UBASH3B: variants seen among roughly 807,000 people sequenced by gnomAD.
The protein encoded by UBASH3B is ubiquitin associated and SH3 domain containing B, also known as ubiquitin-associated and SH3 domain-containing protein B.
UBASH3B carries 37 observed loss-of-function variants against 83.4 expected under a neutral mutation model. The observed-to-expected ratio is 0.44, with a 90% confidence interval of 0.34 to 0.58. UBASH3B has a LOEUF of 0.58. Ranked by LOEUF, UBASH3B falls within the 20% of genes least tolerant of loss-of-function variation. The probability of loss-of-function intolerance (pLI) is 0.01; values close to 1 mark genes in which losing one functional copy is unlikely to be tolerated. For synonymous variants in UBASH3B, 304 were observed against 318.3 expected (o/e 0.96, Z 0.48); for missense variants, 657 against 827.2 (o/e 0.79, Z 2.52).
rs143013689 is a variant in UBASH3B at position 122,794,449 on chromosome 11, C to T, written c.981-253C>T. Among the ~76,000 whole-genome samples, 557 of 152,230 alleles carry T rather than the reference C, an allele frequency of 3.7e-3. 4 individuals are homozygous for T. The highest frequency in any genetic ancestry group is 0.013 in the African/African-American group (530 of 41,522). On this transcript the variant is annotated intron_variant, in intron 6 of 13. Transcript: ENST00000284273. ...CTCAAACTCCTGACCTCAGGTGATC[C>T]GCCTGCCTCGGCGTCCCAAAGTGCA...
intron 1 of UBASH3B, among the ~76,000 whole-genome samples, chr11:122,718,557 A>T (rs1407278710): frequency 6.6e-6 from 1 of 152,182 alleles, no homozygotes; most frequent in Non-Finnish European, 1.5e-5. Flanking sequence ...GATAGTAGGG[A>T]TTGTGTGAGG....
chr11:122,790,914 G>T (rs1167814167), intron 6 of UBASH3B, among the ~76,000 whole-genome samples: 1 of 151,684 alleles, frequency 6.6e-6, no homozygotes, highest in East Asian at 1.9e-4. Flanking sequence ...TCACGCAACT[G>T]CACTCCAGCC....
chr11:122,718,140 G>A (rs1274339215), intron 1 of UBASH3B, among the ~76,000 whole-genome samples: 1 of 152,046 alleles, frequency 6.6e-6, no homozygotes, highest in Non-Finnish European at 1.5e-5. Flanking sequence ...GGCCAGGCAG[G>A]CCTCGAGCTC....
intron 1 of UBASH3B, among the ~76,000 whole-genome samples, chr11:122,690,197 T>TCCA (rs1326877376): frequency 0.03 from 766 of 25,606 alleles, 11 homozygotes; most frequent in South Asian, 0.092. Context: ...TATATATATA[T>TCCA]ATATATATAT....
At chr11:122,750,006 T>C (rs1861175860) in intron 1 of UBASH3B, among the ~76,000 whole-genome samples, 1 of 152,248 alleles carries the variant, frequency 6.6e-6, no homozygotes, top group South Asian at 2.1e-4. Flanking sequence ...GTGCTGGGAT[T>C]ACAGGTGTGA....
At position 122,794,760 on chromosome 11, in the gene UBASH3B, T is replaced by C. The variant is rs144396131; in HGVS notation, c.1039T>C (p.Leu347=). 5.1e-5 allele frequency: 82 copies of C among 1,614,178 alleles called. No homozygotes were observed. In the African/African-American group the frequency reaches 9.5e-4, roughly 19 times the overall value. Residue 347 remains leucine, a synonymous_variant, in exon 7 of 14, where the codon TTG becomes CTG. Transcript: ENST00000284273. ...CTCTCTCACGTTTGGGGATGGAGTATTGGAGAGGCGGCCTTATGAGGACCA... is the reference window on the plus strand; with the variant it reads ...CTCTCTCACGTTTGGGGATGGAGTACTGGAGAGGCGGCCTTATGAGGACCA... ...SNSLTFGDGV[L]ERRPYEDQGL... is the part of the protein sequence containing the mutation.
chr11:122,720,814 T>C (rs1860613717), intron 1 of UBASH3B, among the ~76,000 whole-genome samples: 1 of 152,150 alleles, frequency 6.6e-6, no homozygotes, highest in Non-Finnish European at 1.5e-5. Context: ...CCCTGCCTTA[T>C]TTTTTCCAAA....
intron 1 of UBASH3B, among the ~76,000 whole-genome samples, chr11:122,753,839 A>T (rs1861240864): frequency 6.6e-6 from 1 of 152,136 alleles, no homozygotes; most frequent in South Asian, 2.1e-4. Context: ...ATTTTGAAGG[A>T]TTAACATGCC....
intron 1 of UBASH3B, among the ~76,000 whole-genome samples, chr11:122,725,786 C>T (rs563372177): frequency 2.6e-5 from 4 of 152,192 alleles, no homozygotes; most frequent in East Asian, 1.9e-4. Flanking sequence ...CTCCGCCTCC[C>T]GGGTTCAAGC....
intron 1 of UBASH3B, among the ~76,000 whole-genome samples, chr11:122,753,600 G>A (rs1861236293): frequency 1.4e-5 from 2 of 146,278 alleles, no homozygotes; most frequent in Non-Finnish European, 3.0e-5. Flanking sequence ...GGGTTCAAGC[G>A]ATTCTCCTGC....
In UBASH3B at chr11:122,796,906, T is replaced by C; in HGVS notation, c.1235-5T>C. ...TATCCTCTGTCTAACCTCTTTGTTT[T>C]TCAGGCCGCTACATACGCACCAACC... On this transcript the variant is annotated splice_polypyrimidine_tract_variant and splice_region_variant and intron_variant, in intron 8 of 13. Coordinates refer to ENST00000284273, the MANE Select transcript of UBASH3B (RefSeq NM_032873.5). The C allele has an allele frequency of 6.2e-7, 1 of 1,614,170 alleles. No homozygotes were observed. Among genetic ancestry groups the C allele is most frequent in the Non-Finnish European group, 8.5e-7 (1 of 1,180,026 alleles).
rs536141803 is a variant in UBASH3B at position 122,789,046 on chromosome 11, C to T, written c.772-54C>T. 43 of 1,518,246 alleles carry T rather than the reference C, an allele frequency of 2.8e-5. No individual in the cohort carries two copies. In the African/African-American group the frequency reaches 3.1e-4, roughly 11 times the overall value. The allele number at this position is 1,518,246 out of a possible 1,614,324, so 94.0% of individuals were successfully genotyped here. On this transcript the variant is annotated intron_variant, in intron 5 of 13. Transcript: ENST00000284273. ...AGAACATACAGTCCTGCCCTCAAGG[C>T]GCTCAGGAGAATGGTGAGGCATGGG...
intron 1 of UBASH3B, among the ~76,000 whole-genome samples, chr11:122,668,731 G>C (rs190445719): frequency 7.6e-4 from 115 of 152,304 alleles, no homozygotes; most frequent in African/African-American, 2.8e-3. Context: ...GGATATAAAA[G>C]TAATAAAAAC....
chr11:122,787,277 T>TC (rs977133140), intron 5 of UBASH3B, among the ~76,000 whole-genome samples: 2 of 152,130 alleles, frequency 1.3e-5, no homozygotes, highest in Non-Finnish European at 2.9e-5. Context: ...GATTTAACAA[T>TC]CCCACAGAAA....
chr11:122,676,365 C>T (rs1254901777), intron 1 of UBASH3B, among the ~76,000 whole-genome samples: 6 of 152,202 alleles, frequency 3.9e-5, no homozygotes, highest in African/African-American at 9.6e-5. Flanking sequence ...CATGGTAAAA[C>T]GTGTCTGTAC....
chr11:122,685,064 G>A (rs1022706257), intron 1 of UBASH3B, among the ~76,000 whole-genome samples: 8 of 152,070 alleles, frequency 5.3e-5, no homozygotes, highest in Non-Finnish European at 8.8e-5. Context: ...CTTGCCCCCC[G>A]GCAAGAGGAA....
intron 1 of UBASH3B, among the ~76,000 whole-genome samples, chr11:122,748,693 A>T (rs1540111): frequency 0.96 from 145,899 of 152,230 alleles, 70,328 homozygotes; most frequent in Middle Eastern, 1. Context: ...GAGCTCTGTG[A>T]GTGTCCATCC....
At chr11:122,694,655 A>G (rs1863938839) in intron 1 of UBASH3B, among the ~76,000 whole-genome samples, 1 of 152,208 alleles carries the variant, frequency 6.6e-6, no homozygotes. Context: ...TAATGGGTTG[A>G]TGGTAGAAAT....
chr11:122,747,668 G>T (rs1861140164), intron 1 of UBASH3B, among the ~76,000 whole-genome samples: 1 of 152,248 alleles, frequency 6.6e-6, no homozygotes, highest in South Asian at 2.1e-4. Flanking sequence ...CAGAGTCAAA[G>T]CTGGGGAACG....
Sources: allele counts gnomAD v4.1 joint callset (sites outside exome capture counted in the v4.1 genomes callset), GRCh38; gene constraint gnomAD v4.1.1; transcripts MANE v1.5; gene names NCBI Gene and HGNC (gene_info 2026-07-23, HGNC 2026-07-21).